C14orf39: variants seen among roughly 807,000 people sequenced by gnomAD.
C14orf39 encodes the protein chromosome 14 open reading frame 39, also known as protein SIX6OS1.
C14orf39 carries 66 observed loss-of-function variants against 85.6 expected under a neutral mutation model. The observed-to-expected ratio is 0.77, with a 90% CI of 0.63 to 0.95. The LOEUF (loss-of-function observed/expected upper bound fraction) is 0.95, where lower values mean the gene tolerates loss of function less well. Ranked by LOEUF, C14orf39 falls within the 40% of genes least tolerant of loss-of-function variation. The pLI, the probability that C14orf39 is intolerant of heterozygous loss-of-function variation, is 0.00. For missense variants in C14orf39, 735 were observed against 663.9 expected, an observed-to-expected ratio of 1.11 and a Z score of -1.18; for synonymous variants, 242 against 214.0, an observed-to-expected ratio of 1.13 and a Z score of -1.14.
At chr14:60,479,306 A>G (rs898921594) in intron 4 of C14orf39, among the ~76,000 whole-genome samples, 1 of 152,212 alleles carries the variant, frequency 6.6e-6, no homozygotes, top group Non-Finnish European at 1.5e-5. Context: ...AAATGAAATT[A>G]GAAGATCAAA....
rs753157233 is a variant in C14orf39 at position 60,471,738 on chromosome 14, C to T, written c.325G>A (p.Glu109Lys). 6.1e-6 allele frequency: 9 copies of T among 1,487,126 alleles called. No individual in the cohort carries two copies. The East Asian group carries it at 1.8e-4, about 30-fold the overall frequency. The allele number at this position is 1,487,126 out of a possible 1,614,324, so 92.1% of individuals were successfully genotyped here. A position where few individuals can be genotyped will look rare whatever the true frequency, so the allele number is the denominator to read the frequency against. ...TGACATATATAATCATGATACATTT[C>T]TCTGTTAAAATTAAAAGAAATGATG... Reference protein sequence around the residue: ...VYQGTVEKDKEMYHDYICQYK... With the variant: ...VYQGTVEKDKKMYHDYICQYK... Residue 109 changes from glutamate to lysine, a missense_variant and splice_region_variant, in exon 6 of 18, where the codon GAA becomes AAA. Glu to Lys is a moderately conservative substitution (Grantham distance 56). Transcript: ENST00000321731.
chr14:60,509,514 TGGCCCCTGC>T (rs1348851940), intron 1 of C14orf39: 1 of 1,606,022 alleles, frequency 6.2e-7, no homozygotes, highest in Non-Finnish European at 8.5e-7. Flanking sequence ...TCGCTGCCCG[TGGCCCCTGC>T]GGCCTGCGAG....
At chr14:60,464,996 C>A (rs1312446639) in intron 11 of C14orf39, among the ~76,000 whole-genome samples, 1 of 152,022 alleles carries the variant, frequency 6.6e-6, no homozygotes. Flanking sequence ...CATTCCATTT[C>A]TCTTCTGGTG....
chr14:60,513,943 G>A (rs960823277), intron 1 of C14orf39, among the ~76,000 whole-genome samples: 2 of 152,192 alleles, frequency 1.3e-5, no homozygotes, highest in Non-Finnish European at 2.9e-5. Context: ...ACATTTTAAA[G>A]TAGCTATTCT....
rs1892772581 is a variant in C14orf39, at chr14:60,484,099, A to G, written c.107-282T>C. Among the ~76,000 whole-genome samples the G allele has an allele frequency of 6.6e-6, 1 of 152,210 alleles. No individual in the cohort carries two copies. The highest frequency in any genetic ancestry group is 1.5e-5 in the Non-Finnish European group (1 of 68,030). On this transcript the variant is annotated intron_variant, in intron 3 of 17. Coordinates refer to ENST00000321731, the MANE Select transcript of C14orf39 (RefSeq NM_174978.3). The surrounding 1 kb of genome is among the most constrained non-coding windows in gnomAD (Gnocchi z 4.2). The stretch of plus-strand genomic sequence containing the variant: ...TAACATAAAAGGGCTAGATTCAGTG[A>G]TATCTAAGGTCAATCGTATCTTAAG...
At chr14:60,443,448 G>C (rs536641851) in intron 16 of C14orf39, among the ~76,000 whole-genome samples, 9 of 152,290 alleles carry the variant, frequency 5.9e-5, no homozygotes, top group African/African-American at 2.2e-4. Flanking sequence ...ATTGACCTGT[G>C]AGGCTGCAGC....
intron 5 of C14orf39, among the ~76,000 whole-genome samples, chr14:60,477,139 T>G (rs1186481270): frequency 6.6e-6 from 1 of 152,182 alleles, no homozygotes; most frequent in Non-Finnish European, 1.5e-5. Context: ...GCAGGATGTA[T>G]AAATGACAAG....
chr14:60,471,513 GAT>G, intron 6 of C14orf39, 37 bp downstream of exon 6: 1 of 1,569,184 alleles, frequency 6.4e-7, no homozygotes, highest in Non-Finnish European at 8.6e-7. Context: ...TCATTACAAA[GAT>G]ATCATAATTA....
chr14:60,509,645 T>A (rs1893259939), intron 1 of C14orf39: 9 of 1,613,358 alleles, frequency 5.6e-6, no homozygotes, highest in Middle Eastern at 1.6e-4. Flanking sequence ...CACCAAGGAG[T>A]CGCACGCCAA....
chr14:60,509,469 G>T, intron 1 of C14orf39: 1 of 1,600,704 alleles, frequency 6.2e-7, no homozygotes, highest in Non-Finnish European at 8.5e-7. Context: ...CTGGAAGAGA[G>T]CGGCGATGTG....
chr14:60,450,701 C>T (rs1390065353), intron 16 of C14orf39, among the ~76,000 whole-genome samples: 2 of 152,238 alleles, frequency 1.3e-5, no homozygotes, highest in East Asian at 1.9e-4. Flanking sequence ...TACAGAAGGC[C>T]TTAGCCAAGA....
chr14:60,440,329 C>T (rs766440406), intron 17 of C14orf39, among the ~76,000 whole-genome samples: 6 of 152,140 alleles, frequency 3.9e-5, no homozygotes, highest in Non-Finnish European at 7.4e-5. Flanking sequence ...TCTCAAATTA[C>T]GCTTAGAGCC....
intron 1 of C14orf39, among the ~76,000 whole-genome samples, chr14:60,503,611 G>A (rs190950169): frequency 1.3e-5 from 2 of 152,186 alleles, no homozygotes; most frequent in African/African-American, 4.8e-5. Flanking sequence ...ATAAAATAGA[G>A]AGACACTGAA....
intron 16 of C14orf39, among the ~76,000 whole-genome samples, chr14:60,446,328 G>A (rs1048958551): frequency 6.6e-6 from 1 of 152,006 alleles, no homozygotes; most frequent in Non-Finnish European, 1.5e-5. Flanking sequence ...AGAAAAGAGA[G>A]AAGAATCAAA....
At chr14:60,507,464 C>T (rs1196113008) in intron 1 of C14orf39, among the ~76,000 whole-genome samples, 2 of 152,158 alleles carry the variant, frequency 1.3e-5, no homozygotes, top group Non-Finnish European at 2.9e-5. Flanking sequence ...TTTATTTTGC[C>T]CCTGCCTTGT....
intron 5 of C14orf39, among the ~76,000 whole-genome samples, chr14:60,476,233 A>T (rs1892371131): frequency 6.6e-6 from 1 of 152,194 alleles, no homozygotes; most frequent in Non-Finnish European, 1.5e-5. Context: ...CTGGGTCACC[A>T]GTTCCAGGTG....
chr14:60,476,241 GTGAGATGACTAT>G (rs1892372294), intron 5 of C14orf39, among the ~76,000 whole-genome samples: 2 of 152,136 alleles, frequency 1.3e-5, no homozygotes, highest in Non-Finnish European at 2.9e-5. Flanking sequence ...CCAGTTCCAG[GTGAGATGACTAT>G]GCCACATCCA....
At chr14:60,461,316 C>A (rs994911372) in intron 13 of C14orf39, 38 bp downstream of exon 13, 1 of 1,552,782 alleles carries the variant, frequency 6.4e-7, no homozygotes. Flanking sequence ...TAATTTGTTA[C>A]CCCGACTTCT....
chr14:60,472,713 G>A (rs1025732989), intron 5 of C14orf39, among the ~76,000 whole-genome samples: 18 of 152,060 alleles, frequency 1.2e-4, no homozygotes, highest in African/African-American at 3.4e-4. Flanking sequence ...CTTCATCCTT[G>A]TCCCTACAAA....
Sources: allele counts gnomAD v4.1 joint callset (sites outside exome capture counted in the v4.1 genomes callset), GRCh38; gene constraint gnomAD v4.1.1; non-coding constraint Gnocchi (gnomAD v3.1); transcripts MANE v1.5; gene names NCBI Gene and HGNC (gene_info 2026-07-23, HGNC 2026-07-21).